The following TRPC6 variants were observed in gnomAD, a reference collection of about 807,000 sequenced individuals.
TRPC6 encodes the protein transient receptor potential cation channel subfamily C member 6, also known as short transient receptor potential channel 6.
In TRPC6, 55 loss-of-function variants were observed where a neutral mutation model predicts 90.7. That is an observed-to-expected ratio of 0.61 (90% confidence interval 0.49 to 0.76). TRPC6 has a LOEUF of 0.76. Ranked by LOEUF, TRPC6 falls within the 30% of genes least tolerant of loss-of-function variation. The pLI, the probability that TRPC6 is intolerant of heterozygous loss-of-function variation, is 0.00. For synonymous variants in TRPC6, 393 were observed against 393.0 expected (o/e 1.00, Z 0.00); for missense variants, 989 against 1,122.7 (o/e 0.88, Z 1.70).
chr11:101,551,609 G>T (rs1342655870), intron 1 of TRPC6, among the ~76,000 whole-genome samples: 1 of 151,646 alleles, frequency 6.6e-6, no homozygotes, highest in Non-Finnish European at 1.5e-5. Context: ...TTCTAAACAA[G>T]GTTTAAATCA....
intron 1 of TRPC6, among the ~76,000 whole-genome samples, chr11:101,541,913 C>T (rs968436116): frequency 1.3e-5 from 2 of 152,160 alleles, no homozygotes; most frequent in Non-Finnish European, 2.9e-5. Context: ...AAGAACCACC[C>T]TATTATCTTG....
intron 12 of TRPC6, 37 bp downstream of exon 12, chr11:101,453,613 A>ACATT: frequency 4.4e-6 from 7 of 1,593,720 alleles, no homozygotes; most frequent in Non-Finnish European, 6.0e-6. Context: ...GTCCTGACTC[A>ACATT]CATTCAGGGG....
intron 2 of TRPC6, among the ~76,000 whole-genome samples, chr11:101,498,528 G>C (rs543058850): frequency 3.3e-5 from 5 of 152,132 alleles, no homozygotes; most frequent in Admixed American, 3.3e-4. Context: ...TCAAGGCACA[G>C]GATAAAACTG....
intron 2 of TRPC6, among the ~76,000 whole-genome samples, chr11:101,494,235 G>T (rs1276732066): frequency 1.3e-5 from 2 of 152,104 alleles, no homozygotes; most frequent in African/African-American, 2.4e-5. Flanking sequence ...GGATATACCT[G>T]TAATCAATCC....
intron 10 of TRPC6, among the ~76,000 whole-genome samples, chr11:101,456,910 GAA>G (rs1277808637): frequency 6.6e-6 from 1 of 151,914 alleles, no homozygotes; most frequent in East Asian, 1.9e-4. Flanking sequence ...ATACATCATA[GAA>G]ATTCAGTAAA....
intron 1 of TRPC6, among the ~76,000 whole-genome samples, chr11:101,515,958 T>C (rs1860508679): frequency 6.6e-6 from 1 of 152,178 alleles, no homozygotes; most frequent in East Asian, 1.9e-4. Flanking sequence ...GGTGTTATTT[T>C]ATTTAATTTT....
chr11:101,471,009 A>C (rs1231949122), intron 9 of TRPC6, among the ~76,000 whole-genome samples, 174 bp downstream of exon 9: 1 of 152,098 alleles, frequency 6.6e-6, no homozygotes, highest in African/African-American at 2.4e-5. Context: ...GGAAATGTCC[A>C]GTGTGCTCAT....
chr11:101,570,456 T>C (rs1213981243), intron 1 of TRPC6, among the ~76,000 whole-genome samples: 2 of 152,198 alleles, frequency 1.3e-5, no homozygotes, highest in African/African-American at 4.8e-5. Flanking sequence ...AAAGAGGAGC[T>C]GGTACCATTT....
At position 101,453,040 on chromosome 11, in the gene TRPC6, T is replaced by C. The variant is rs148529934; in HGVS notation, c.2711A>G (p.Gln904Arg). 6.2e-5 allele frequency: 100 copies of C among 1,613,864 alleles called. No homozygotes were observed. Among genetic ancestry groups the C allele is most frequent in the Non-Finnish European group, 7.9e-5 (93 of 1,179,792 alleles). ...AAGTTCTGCTAGGTCTTCTGTATTC[T>C]GAGATTTTTCTTCAAGGAGTTCATA... ...LRYELLEEKS[Q>R]NTEDLAELIR... Residue 904 changes from glutamine (Q) to arginine (R), a missense_variant, in exon 13 of 13, where the codon CAG becomes CGG. By Grantham distance (43) the Gln-to-Arg change is conservative (BLOSUM62 1). Transcript: ENST00000344327.
At position 101,546,205 on chromosome 11, in the gene TRPC6, G is replaced by A. The variant is rs566723927; in HGVS notation, c.170+37129C>T. ...TCCTGCCTCAGCCTCCCGAGTAGCT[G>A]GGACTACAGGCGCCCGCCACCGCGC... On this transcript the variant is annotated intron_variant, in intron 1 of 12. Coordinates refer to ENST00000344327, the MANE Select transcript of TRPC6 (RefSeq NM_004621.6). Among the ~76,000 whole-genome samples, 439 of 112,416 alleles carry A rather than the reference G, an allele frequency of 3.9e-3. 87 individuals are homozygous for A. The highest frequency in any genetic ancestry group is 6.2e-3 in the Non-Finnish European group (333 of 53,768). 73.7% of individuals were successfully genotyped at this position (112,416 alleles called of 152,430 possible).
In TRPC6 at chr11:101,477,051, G is replaced by A. The variant is rs200172490; in HGVS notation, c.1511-517C>T. On this transcript the variant is annotated intron_variant, in intron 5 of 12. Coordinates refer to ENST00000344327, the MANE Select transcript of TRPC6 (RefSeq NM_004621.6). ...ACCACTGCCACTTTTGTCCAAGGCC[G>A]TGTCTCCCCCCGGCTGCTCTCAGCC... Among the ~76,000 whole-genome samples the A allele has an allele frequency of 1.6e-4, 24 of 152,124 alleles. No individual in the cohort carries two copies. In the East Asian group the frequency reaches 3.1e-3, roughly 20 times the overall value.
intron 2 of TRPC6, 88 bp downstream of exon 2, chr11:101,503,936 A>T: frequency 6.6e-7 from 1 of 1,515,574 alleles, no homozygotes; most frequent in Non-Finnish European, 9.2e-7. Context: ...CACAGTAACT[A>T]GCACAGTGCT....
intron 1 of TRPC6, among the ~76,000 whole-genome samples, chr11:101,513,080 A>C (rs1860434604): frequency 6.6e-6 from 1 of 152,234 alleles, no homozygotes. Flanking sequence ...AACAGTTACC[A>C]GAACAGGATA....
intron 1 of TRPC6, among the ~76,000 whole-genome samples, chr11:101,557,263 G>A (rs1861581951): frequency 6.6e-6 from 1 of 152,154 alleles, no homozygotes; most frequent in South Asian, 2.1e-4. Flanking sequence ...GCTAAGAAAT[G>A]AGAATTGCTT....
At chr11:101,561,565 A>G (rs1861714024) in intron 1 of TRPC6, among the ~76,000 whole-genome samples, 1 of 152,026 alleles carries the variant, frequency 6.6e-6, no homozygotes. Flanking sequence ...GAGCTCCCTT[A>G]CTATATAGAG....
chr11:101,481,913 C>T (rs1859561340), intron 5 of TRPC6, among the ~76,000 whole-genome samples: 1 of 152,224 alleles, frequency 6.6e-6, no homozygotes, highest in Admixed American at 6.5e-5. Flanking sequence ...CCTAACTCAT[C>T]ATATTTCGAG....
intron 1 of TRPC6, among the ~76,000 whole-genome samples, chr11:101,566,616 C>T (rs535324074): frequency 5.3e-5 from 8 of 152,244 alleles, no homozygotes; most frequent in East Asian, 1.9e-4. Context: ...GGAACAGCTC[C>T]GGTCTGCAGC....
chr11:101,509,265 A>C (rs1254349469), intron 1 of TRPC6, among the ~76,000 whole-genome samples: 1 of 151,316 alleles, frequency 6.6e-6, no homozygotes, highest in Admixed American at 6.6e-5. Flanking sequence ...CACCCAGTTA[A>C]TTTTTGTATT....
At chr11:101,509,683 C>G (rs906217181) in intron 1 of TRPC6, among the ~76,000 whole-genome samples, 2 of 152,028 alleles carry the variant, frequency 1.3e-5, no homozygotes, top group African/African-American at 4.8e-5. Flanking sequence ...GTACCTATAA[C>G]TTCTTGAAGG....
Sources: allele counts gnomAD v4.1 joint callset (sites outside exome capture counted in the v4.1 genomes callset), GRCh38; gene constraint gnomAD v4.1.1; transcripts MANE v1.5; gene names NCBI Gene and HGNC (gene_info 2026-07-23, HGNC 2026-07-21).